Variants in DNAJB1 observed in about 807,000 individuals in gnomAD.
The protein encoded by DNAJB1 is dnaJ homolog subfamily B member 1.
DNAJB1 carries 14 observed loss-of-function variants against 24.0 expected under a neutral mutation model. The ratio of observed to expected loss-of-function variants is 0.58; its 90% CI spans 0.39 to 0.91. The LOEUF is 0.91. DNAJB1 is among the 40% of genes least tolerant of loss of function. The pLI is 0.00. For synonymous variants in DNAJB1, 262 were observed against 174.4 expected (o/e 1.50, Z -3.96); for missense variants, 517 against 458.1 (o/e 1.13, Z -1.17).
At chr19:14,529,851 C>T (rs1438222832), upstream of DNAJB1, 3 of 1,150,966 alleles carry the variant, frequency 2.6e-6, no homozygotes, top group South Asian at 2.6e-5. Flanking sequence ...GCAAGCGTTG[C>T]GCCCCGGGCC....
In DNAJB1 at chr19:14,515,167, C is replaced by G. The variant is rs2072234080; in HGVS notation, c.*773G>C. 2 of 152,568 alleles carry G rather than the reference C, an allele frequency of 1.3e-5. No individual in the cohort carries two copies. Among genetic ancestry groups the G allele is most frequent in the South Asian group, 4.1e-4 (2 of 4,828 alleles). The allele number at this position is 152,568 out of a possible 1,614,324, so 9.5% of individuals were successfully genotyped here. The stretch of plus-strand genomic sequence containing the variant: ...CATAGTCCATGAAACAAAAAATTAC[C>G]TGGGCCACTGGTAAGCCCCACGTGT... On this transcript the variant is annotated 3_prime_UTR_variant, in exon 3 of 3. Transcript: ENST00000254322.
intron 1 of DNAJB1, 53 bp downstream of exon 1, chr19:14,518,084 TCA>T: frequency 3.6e-6 from 5 of 1,379,586 alleles, no homozygotes; most frequent in Admixed American, 3.5e-5. Context: ...CCAGCGTGCC[TCA>T]GTTTCCCTGT....
intron 1 of DNAJB1, among the ~76,000 whole-genome samples, chr19:14,538,775 C>T (rs1208464034): frequency 6.6e-6 from 1 of 151,960 alleles, no homozygotes; most frequent in East Asian, 1.9e-4. Flanking sequence ...TCGTGATCCA[C>T]CCGCCTCAGC....
At chr19:14,530,285 C>T (rs2072582503), upstream of DNAJB1, 1 of 160,760 alleles carries the variant, frequency 6.2e-6, no homozygotes, top group Non-Finnish European at 1.4e-5. Flanking sequence ...CCTTGGGTGT[C>T]ACCAAGGAGA....
chr19:14,524,173 C>T (rs1020427598), intron 2 of DNAJB1, among the ~76,000 whole-genome samples: 1 of 152,106 alleles, frequency 6.6e-6, no homozygotes, highest in Non-Finnish European at 1.5e-5. Flanking sequence ...CTCAGATGAT[C>T]ATAAAGCCTT....
chr19:14,516,165 CAG>C lies in DNAJB1; in HGVS notation c.796_797del (p.Leu266ValfsTer51). The stretch of plus-strand genomic sequence containing the variant: ...TGGGGACGTTCACTGTGCAGCCACA[CAG>C]AGCCTTGAAAAGCAAAAGGACAGCA... ...YPARISLREA[L>X]CGCTVNVPTL... is the part of the protein sequence containing the mutation. On this transcript the variant is annotated frameshift_variant, in exon 3 of 3. Transcript: ENST00000254322. LOFTEE classifies it high-confidence loss of function. The C allele has an allele frequency of 4.3e-6, 7 of 1,613,486 alleles. No individual in the cohort carries two copies. In the South Asian group the frequency reaches 7.7e-5, roughly 18 times the overall value.
At chr19:14,532,687 C>T (rs4926125), upstream of DNAJB1, among the ~76,000 whole-genome samples, 33,754 of 151,972 alleles carry the variant, frequency 0.22, 3,991 homozygotes, top group South Asian at 0.41. Flanking sequence ...AGTTGTTTCC[C>T]GGCCCAGCGG....
At chr19:14,533,117 A>C (rs1228207662), upstream of DNAJB1, among the ~76,000 whole-genome samples, 3 of 149,768 alleles carry the variant, frequency 2.0e-5, no homozygotes, top group Non-Finnish European at 4.4e-5. Flanking sequence ...GTTTTAAAAA[A>C]AATAAATAAA....
At chr19:14,528,551 T>C (rs2072490729) in intron 1 of DNAJB1, among the ~76,000 whole-genome samples, 1 of 151,516 alleles carries the variant, frequency 6.6e-6, no homozygotes, top group South Asian at 2.1e-4. Flanking sequence ...ACCAGCCCCA[T>C]TTCAAGGGCT....
intron 1 of DNAJB1, chr19:14,517,349 G>C (rs977947676): frequency 6.8e-5 from 23 of 338,250 alleles, no homozygotes; most frequent in African/African-American, 3.6e-4. Context: ...ATCACCAAGA[G>C]ATGGCTAAAG....
chr19:14,516,071 G>A lies in DNAJB1; in HGVS notation c.892C>T (p.Pro298Ser). The change falls in exon 3 of 3, where the codon CCT becomes TCT. Residue 298 changes from proline (P) to serine (S), a missense_variant. Coordinates refer to ENST00000254322, the MANE Select transcript of DNAJB1 (RefSeq NM_006145.3). ...VIRPGMRRKV[P>S]GEGLPLPKTP... ...TTGGGGAGGGGGAGGCCTTCTCCAGGAACTTTTCGCCGCATGCCAGGCCTG... is the reference window on the plus strand; with the variant it reads ...TTGGGGAGGGGGAGGCCTTCTCCAGAAACTTTTCGCCGCATGCCAGGCCTG... 1 of 1,613,782 alleles carries A rather than the reference G, an allele frequency of 6.2e-7. No individual in the cohort carries two copies. Among genetic ancestry groups the A allele is most frequent in the Non-Finnish European group, 8.5e-7 (1 of 1,179,872 alleles).
chr19:14,533,293 G>A (rs760891265), upstream of DNAJB1, among the ~76,000 whole-genome samples: 4 of 151,630 alleles, frequency 2.6e-5, no homozygotes, highest in East Asian at 1.9e-4. Flanking sequence ...GGTGGCGCAC[G>A]CCTGAAATCC....
intron 2 of DNAJB1, among the ~76,000 whole-genome samples, chr19:14,525,646 A>G (rs555498843): frequency 2.6e-5 from 4 of 152,284 alleles, no homozygotes; most frequent in African/African-American, 7.2e-5. Flanking sequence ...AATGCTTGCC[A>G]GGGGCTGGGA....
At chr19:14,537,269 G>C (rs56101792) in intron 1 of DNAJB1, among the ~76,000 whole-genome samples, 3 of 141,006 alleles carry the variant, frequency 2.1e-5, no homozygotes, top group Non-Finnish European at 3.1e-5. Flanking sequence ...GGCGGGACCA[G>C]GGAGGGGGAG....
Position 14,516,855 on chromosome 19 carries a change from G to A in DNAJB1, c.403C>T (p.Pro135Ser), listed in dbSNP as rs766733011. ...TTGGTGAAGCCACCCATGCCCATAG[G>A]GAAGCCAGAGAATGGGTCATCAATG... is the stretch of plus-strand genomic sequence containing the variant. ...MDIDDPFSGF[P>S]MGMGGFTNVN... is the part of the protein sequence containing the mutation. Residue 135 changes from proline (P) to serine (S), a missense_variant, in exon 2 of 3, where the codon CCT becomes TCT. Coordinates refer to ENST00000254322, the MANE Select transcript of DNAJB1 (RefSeq NM_006145.3). The A allele has an allele frequency of 2.9e-5, 47 of 1,613,944 alleles. No individual in the cohort carries two copies. The Middle Eastern group carries it at 5.0e-4, about 17-fold the overall frequency.
chr19:14,552,453 C>T (rs2073561563), upstream of DNAJB1, among the ~76,000 whole-genome samples: 1 of 152,084 alleles, frequency 6.6e-6, no homozygotes. Flanking sequence ...TTCCAGGCTA[C>T]TTACCTTGGG....
upstream of DNAJB1, chr19:14,530,079 C>A (rs191492134): frequency 2.7e-6 from 1 of 363,716 alleles, no homozygotes; most frequent in African/African-American, 2.1e-5. Context: ...ACAAATCTTG[C>A]GCCACGCCGC....
At chr19:14,554,881 C>A (rs1185833561), upstream of DNAJB1, among the ~76,000 whole-genome samples, 13 of 151,934 alleles carry the variant, frequency 8.6e-5, no homozygotes. Flanking sequence ...TGGGTTCAAT[C>A]GATTCTCTTG....
chr19:14,555,702 A>G (rs536579671), intron 1 of DNAJB1, among the ~76,000 whole-genome samples: 2 of 152,128 alleles, frequency 1.3e-5, no homozygotes, highest in East Asian at 3.9e-4. Flanking sequence ...CAGCCTCCCA[A>G]AGTGCTTGGA....
Sources: allele counts gnomAD v4.1 joint callset (sites outside exome capture counted in the v4.1 genomes callset), GRCh38; gene constraint gnomAD v4.1.1; transcripts MANE v1.5; gene names NCBI Gene and HGNC (gene_info 2026-07-23, HGNC 2026-07-21).